The following HIP1 variants were observed in gnomAD, a reference collection of about 807,000 sequenced individuals.
HIP1 encodes the protein huntingtin-interacting protein 1.
HIP1 carries 65 observed loss-of-function variants against 147.6 expected under a neutral mutation model. The observed-to-expected ratio is 0.44, with a 90% CI of 0.36 to 0.54. HIP1 has a LOEUF of 0.54. Ranked by LOEUF, HIP1 falls within the 20% of genes least tolerant of loss-of-function variation. The pLI, the probability that HIP1 is intolerant of heterozygous loss-of-function variation, is 0.00. For missense variants in HIP1, 1,061 were observed against 1,299.6 expected (o/e 0.82, Z 2.82); for synonymous variants, 479 against 504.0 (o/e 0.95, Z 0.67).
In HIP1 at chr7:75,581,298, A is replaced by G. The variant is rs782007041; in HGVS notation, c.543T>C (p.Phe181=). The G allele has an allele frequency of 5.0e-5, 81 of 1,610,648 alleles. 1 individual carries two copies. In the South Asian group the frequency reaches 8.4e-4, roughly 17 times the overall value. Residue 181 remains phenylalanine (F), a splice_region_variant and synonymous_variant, in exon 7 of 31, where the codon TTT becomes TTC. Transcript: ENST00000336926. ...DEAGESDVNN[F]FQLTVEMFDY... ...CAAACATCTCCACTGTTAACTGGAA[A>G]CTGGACCCAAGAGGAAAGAGAGCTT... is the stretch of plus-strand genomic sequence containing the variant.
intron 1 of HIP1, among the ~76,000 whole-genome samples, chr7:75,659,800 G>A (rs930958098): frequency 2.0e-5 from 3 of 152,060 alleles, no homozygotes; most frequent in East Asian, 1.9e-4. Context: ...CACCATATGC[G>A]AGCACTTTTA....
At chr7:75,723,234 T>TGGTGGTCCCTGTAATTACAG (rs1584980350) in intron 1 of HIP1, among the ~76,000 whole-genome samples, 1 of 151,974 alleles carries the variant, frequency 6.6e-6, no homozygotes, top group East Asian at 1.9e-4. Context: ...TAGCTGGGTG[T>TGGTGGTCCCTGTAATTACAG]GGTGGTGCGT....
chr7:75,545,269 C>G (rs1794510770), intron 25 of HIP1, 81 bp from the exon 26 acceptor site: 1 of 790,750 alleles, frequency 1.3e-6, no homozygotes, highest in Admixed American at 2.2e-5. Flanking sequence ...TATATTATCC[C>G]AAATCATCCT....
intron 1 of HIP1, among the ~76,000 whole-genome samples, chr7:75,734,873 G>T (rs1024869878): frequency 1.3e-5 from 2 of 152,094 alleles, no homozygotes; most frequent in African/African-American, 4.8e-5. Context: ...TTCAGTCCTC[G>T]GGGAGGGCTC....
intron 1 of HIP1, among the ~76,000 whole-genome samples, chr7:75,684,447 CAAAAAAA>C (rs59055803): frequency 2.3e-5 from 1 of 43,844 alleles, no homozygotes; most frequent in African/African-American, 8.2e-5. Flanking sequence ...GACTCCGTCT[CAAAAAAA>C]AAAAAAAAAA....
intron 25 of HIP1, among the ~76,000 whole-genome samples, chr7:75,545,447 G>C (rs992660674): frequency 6.6e-6 from 1 of 151,532 alleles, no homozygotes; most frequent in Non-Finnish European, 1.5e-5. Context: ...TTCAAGACCA[G>C]CTTGGGCAAC....
At chr7:75,697,296 G>A (rs1800670973) in intron 1 of HIP1, among the ~76,000 whole-genome samples, 1 of 151,992 alleles carries the variant, frequency 6.6e-6, no homozygotes, top group Admixed American at 6.6e-5. Context: ...CATTAAAAAT[G>A]TGTTTTCACC....
intron 1 of HIP1, among the ~76,000 whole-genome samples, chr7:75,690,785 C>T (rs1006609529): frequency 2.0e-5 from 3 of 151,896 alleles, no homozygotes; most frequent in Admixed American, 6.6e-5. Context: ...TTGCTTGAAC[C>T]CGGGAGGCAG....
At chr7:75,656,517 G>T (rs1554512680) in intron 1 of HIP1, among the ~76,000 whole-genome samples, 1 of 151,768 alleles carries the variant, frequency 6.6e-6, no homozygotes, top group African/African-American at 2.4e-5. Flanking sequence ...CATTCTTGTT[G>T]CCCAGGCTGG....
At chr7:75,736,488 A>G (rs546930784) in intron 1 of HIP1, among the ~76,000 whole-genome samples, 19 of 152,124 alleles carry the variant, frequency 1.2e-4, no homozygotes, top group South Asian at 8.3e-4. Flanking sequence ...AGGCAGAAGC[A>G]GAAGAATCAC....
intron 1 of HIP1, among the ~76,000 whole-genome samples, chr7:75,651,620 G>A (rs1798991318): frequency 6.6e-6 from 1 of 152,012 alleles, no homozygotes; most frequent in South Asian, 2.1e-4. Flanking sequence ...AGCCTTGGGT[G>A]GGTCACTGTC....
At chr7:75,587,741 A>G (rs1279600324) in intron 4 of HIP1, among the ~76,000 whole-genome samples, 4 of 152,058 alleles carry the variant, frequency 2.6e-5, no homozygotes, top group African/African-American at 9.7e-5. Flanking sequence ...AGGAGGGAGG[A>G]TTGCTTGAGC....
In HIP1 at chr7:75,547,757, T is replaced by C; in HGVS notation, c.2463A>G (p.Glu821=). Residue 821 remains glutamate (E), a splice_region_variant and synonymous_variant, in exon 24 of 31, where the codon GAA becomes GAG. Coordinates refer to ENST00000336926, the MANE Select transcript of HIP1 (RefSeq NM_005338.7). Reference sequence around the variant, plus strand: ...CCCACCATGCCGCTCAGACCGACCTTTCATTCACCTCCAATTTGACTCCTG... The same window carrying C: ...CCCACCATGCCGCTCAGACCGACCTCTCATTCACCTCCAATTTGACTCCTG... The part of the protein sequence containing the change: ...GDTGVKLEVN[E]RILGCCTSLM... The C allele has an allele frequency of 6.2e-7, 1 of 1,613,620 alleles. No homozygotes were observed. Among genetic ancestry groups the C allele is most frequent in the Middle Eastern group, 1.6e-4 (1 of 6,062 alleles).
intron 1 of HIP1, among the ~76,000 whole-genome samples, chr7:75,663,378 C>T (rs1456614018): frequency 2.6e-5 from 4 of 152,092 alleles, no homozygotes; most frequent in South Asian, 2.1e-4. Flanking sequence ...GTGGGAGGAT[C>T]GCTGGAACCT....
chr7:75,599,591 C>T (rs906867485), intron 1 of HIP1, among the ~76,000 whole-genome samples: 5 of 152,148 alleles, frequency 3.3e-5, no homozygotes, highest in African/African-American at 9.7e-5. Context: ...TTATTTCTCC[C>T]GGAGCAGGAG....
intron 1 of HIP1, among the ~76,000 whole-genome samples, chr7:75,662,947 C>T (rs1247489087): frequency 6.6e-6 from 1 of 152,144 alleles, no homozygotes; most frequent in Non-Finnish European, 1.5e-5. Flanking sequence ...CTTCCTGCAG[C>T]GTCACCACAC....
At chr7:75,577,768 G>A (rs1246552475) in intron 7 of HIP1, among the ~76,000 whole-genome samples, 1 of 152,200 alleles carries the variant, frequency 6.6e-6, no homozygotes, top group Non-Finnish European at 1.5e-5. Flanking sequence ...GGGAGGCCAA[G>A]GCAGGCCGAT....
In HIP1 at chr7:75,536,856, C is replaced by G. The variant is rs1405276803; in HGVS notation, c.*1316G>C. 1.7e-5 allele frequency: 4 copies of G among 230,766 alleles called. No homozygotes were observed. The highest frequency in any genetic ancestry group is 8.9e-5 in the African/African-American group (4 of 45,190). The allele number at this position is 230,766 out of a possible 1,614,324, so 14.3% of individuals were successfully genotyped here. On this transcript the variant is annotated 3_prime_UTR_variant, in exon 31 of 31. Coordinates refer to ENST00000336926, the MANE Select transcript of HIP1 (RefSeq NM_005338.7). ...CTGAAGTTCTGATTGCTCCAAGCATCTCTTTGTAGGCTGTTGCTGCTTAAG... is the reference window on the plus strand; with the variant it reads ...CTGAAGTTCTGATTGCTCCAAGCATGTCTTTGTAGGCTGTTGCTGCTTAAG...
chr7:75,630,696 C>T (rs2117124271), intron 1 of HIP1, among the ~76,000 whole-genome samples: 1 of 152,216 alleles, frequency 6.6e-6, no homozygotes, highest in African/African-American at 2.4e-5. Flanking sequence ...AAGTTGCCGG[C>T]TGGTTAACCC....
Sources: allele counts gnomAD v4.1 joint callset (sites outside exome capture counted in the v4.1 genomes callset), GRCh38; gene constraint gnomAD v4.1.1; transcripts MANE v1.5; gene names NCBI Gene and HGNC (gene_info 2026-07-23, HGNC 2026-07-21).